The following PDS5A variants were observed in gnomAD, a reference collection of about 807,000 sequenced individuals.
The protein encoded by PDS5A is PDS5 cohesin associated factor A.
In PDS5A, 42 loss-of-function variants were observed where a neutral mutation model predicts 167.1. That is an observed-to-expected ratio of 0.25 (90% CI 0.20 to 0.33). The LOEUF (loss-of-function observed/expected upper bound fraction) is 0.33. PDS5A is among the 10% of genes least tolerant of loss of function. The probability of loss-of-function intolerance (pLI) is 1.00; values close to 1 mark genes in which losing one functional copy is unlikely to be tolerated. For missense variants in PDS5A, 1,033 were observed against 1,605.9 expected (o/e 0.64, Z 6.10); for synonymous variants, 553 against 554.6 (o/e 1.00, Z 0.04).
At chr4:39,899,723 C>T (rs894227412) in intron 14 of PDS5A, among the ~76,000 whole-genome samples, 6 of 151,818 alleles carry the variant, frequency 4.0e-5, no homozygotes, top group African/African-American at 1.5e-4. Flanking sequence ...GTGGAGCACA[C>T]CCGTAGTCCC....
intron 32 of PDS5A, among the ~76,000 whole-genome samples, chr4:39,835,741 T>G (rs1191433398): frequency 6.6e-6 from 1 of 152,110 alleles, no homozygotes; most frequent in African/African-American, 2.4e-5. Flanking sequence ...CAGACTAGTC[T>G]GAAACTCCTG....
intron 2 of PDS5A, among the ~76,000 whole-genome samples, chr4:39,970,287 T>C (rs1380215994): frequency 1.3e-5 from 2 of 151,986 alleles, no homozygotes; most frequent in African/African-American, 4.8e-5. Context: ...AAGACCACTG[T>C]GGCCTGACAT....
intron 2 of PDS5A, among the ~76,000 whole-genome samples, chr4:39,942,731 T>A (rs1451570549): frequency 6.6e-6 from 1 of 152,156 alleles, no homozygotes; most frequent in Non-Finnish European, 1.5e-5. Flanking sequence ...GTCAACTTCC[T>A]CTTCTGAAGG....
intron 2 of PDS5A, among the ~76,000 whole-genome samples, chr4:39,964,192 G>A (rs913337383): frequency 2.6e-5 from 4 of 152,054 alleles, no homozygotes; most frequent in Admixed American, 2.0e-4. Flanking sequence ...TTTACAGTAG[G>A]GTAGTACAAA....
At chr4:39,843,444 A>C (rs1408915998) in intron 30 of PDS5A, among the ~76,000 whole-genome samples, 1 of 152,190 alleles carries the variant, frequency 6.6e-6, no homozygotes, top group Non-Finnish European at 1.5e-5. Flanking sequence ...TAAAAAATAA[A>C]CATTTTGGGC....
chr4:39,898,563 GAAA>G, intron 15 of PDS5A, 35 bp from the exon 16 acceptor site: 2 of 1,028,792 alleles, frequency 1.9e-6, no homozygotes, highest in Non-Finnish European at 2.6e-6. Flanking sequence ...ATTAGAGAAG[GAAA>G]AAAAAAAAAC....
At chr4:39,906,917 TAAAAAAAA>T (rs1191690836) in intron 11 of PDS5A, among the ~76,000 whole-genome samples, 2 of 54,032 alleles carry the variant, frequency 3.7e-5, no homozygotes, top group African/African-American at 6.2e-5. Context: ...ATTTCTTACA[TAAAAAAAA>T]AAAAAAAAAA....
intron 23 of PDS5A, among the ~76,000 whole-genome samples, chr4:39,865,926 A>T (rs543200169): frequency 6.6e-6 from 1 of 152,366 alleles, no homozygotes; most frequent in Non-Finnish European, 1.5e-5. Flanking sequence ...ATTTGACAGA[A>T]ACCAGGATCA....
At chr4:39,909,294 T>G (rs1723688057) in intron 10 of PDS5A, among the ~76,000 whole-genome samples, 1 of 151,980 alleles carries the variant, frequency 6.6e-6, no homozygotes, top group Non-Finnish European at 1.5e-5. Flanking sequence ...CTGGCTAATT[T>G]TTGTATTTTT....
rs1181231003 is a variant in PDS5A at position 39,873,481 on chromosome 4, G to A, written c.2278-337C>T. Among the ~76,000 whole-genome samples the A allele has an allele frequency of 2.0e-5, 3 of 152,186 alleles. No individual in the cohort carries two copies. In the East Asian group the frequency reaches 5.8e-4, roughly 29 times the overall value. ...GCTATACCAGTGGTTTTCTTACCCT[G>A]TGGAAGCATTTTAAATGACCTTAAA... On this transcript the variant is annotated intron_variant, in intron 20 of 32. Transcript: ENST00000303538.
At position 39,934,606 on chromosome 4, in the gene PDS5A, TTTTTTTTTC is replaced by T. The variant is rs1216585881; in HGVS notation, c.139-6451_139-6443del. On this transcript the variant is annotated intron_variant, in intron 2 of 32. Coordinates refer to ENST00000303538, the MANE Select transcript of PDS5A (RefSeq NM_001100399.2). ...TTATCTATTGCGGTCTTAGTATTTC[TTTTTTTTTC>T]TTTTTTTTTTTTTTTTTAAGAAATG... 1.0e-4 allele frequency among the ~76,000 whole-genome samples: 13 copies of T among 128,116 alleles called. No individual in the cohort carries two copies. In the South Asian group the frequency reaches 2.9e-3, roughly 28 times the overall value. The allele number at this position is 128,116 out of a possible 152,430, so 84.0% of individuals were successfully genotyped here.
chr4:39,892,382 C>T (rs191010588), intron 16 of PDS5A, among the ~76,000 whole-genome samples: 2 of 152,328 alleles, frequency 1.3e-5, no homozygotes, highest in East Asian at 1.9e-4. Context: ...TGCAAAGACG[C>T]TATCTTCTTC....
intron 11 of PDS5A, 27 bp downstream of exon 11, chr4:39,908,368 A>T: frequency 6.3e-7 from 1 of 1,579,578 alleles, no homozygotes; most frequent in Non-Finnish European, 8.7e-7. Flanking sequence ...AGTAAATTAC[A>T]GAAGAATAAA....
chr4:39,946,591 A>G (rs1242444061), intron 2 of PDS5A, among the ~76,000 whole-genome samples: 3 of 152,198 alleles, frequency 2.0e-5, no homozygotes, highest in African/African-American at 7.2e-5. Flanking sequence ...TCAGAATGAA[A>G]ATAGACATGT....
chr4:39,952,322 C>T (rs1338169072), intron 2 of PDS5A, among the ~76,000 whole-genome samples: 1 of 152,154 alleles, frequency 6.6e-6, no homozygotes, highest in Non-Finnish European at 1.5e-5. Flanking sequence ...CAGAGTGAGA[C>T]TCCGTCTCAA....
intron 10 of PDS5A, among the ~76,000 whole-genome samples, chr4:39,909,769 T>G (rs12510459): frequency 0.22 from 33,663 of 152,106 alleles, 4,684 homozygotes; most frequent in Middle Eastern, 0.33. Context: ...ATGCTCTAGA[T>G]TCAAAAGAAT....
intron 2 of PDS5A, among the ~76,000 whole-genome samples, chr4:39,949,634 C>T (rs1039250006): frequency 2.6e-5 from 4 of 151,124 alleles, no homozygotes; most frequent in East Asian, 1.9e-4. Flanking sequence ...AGTTCAAGAC[C>T]GGACTGGGCA....
chr4:39,916,292 G>A (rs1399125139), intron 8 of PDS5A, among the ~76,000 whole-genome samples: 3 of 152,036 alleles, frequency 2.0e-5, no homozygotes, highest in Non-Finnish European at 4.4e-5. Context: ...AGAGGGGCAA[G>A]AATTACGAAT....
At chr4:39,943,299 A>G (rs2109770493) in intron 2 of PDS5A, among the ~76,000 whole-genome samples, 1 of 152,290 alleles carries the variant, frequency 6.6e-6, no homozygotes, top group South Asian at 2.1e-4. Flanking sequence ...GGAAAAATTC[A>G]ATGACCTGTT....
Sources: gnomAD v4.1 joint callset for allele counts (sites outside exome capture counted in the v4.1 genomes callset) on GRCh38, gnomAD v4.1.1 for gene constraint, MANE v1.5 for transcripts, NCBI Gene and HGNC (gene_info 2026-07-23, HGNC 2026-07-21) for gene names.